LNX2: variants seen among roughly 807,000 people sequenced by gnomAD.
The protein encoded by LNX2 is ligand of numb-protein X 2.
A neutral mutation model predicts 66.2 loss-of-function variants in LNX2; 35 were observed. The observed-to-expected ratio is 0.53, with a 90% CI of 0.40 to 0.70. The LOEUF (loss-of-function observed/expected upper bound fraction) is 0.70. Among genes scored for constraint, LNX2 ranks in the 30% least tolerant of loss-of-function variants. The pLI is 0.00. For synonymous variants in LNX2, 337 were observed against 315.6 expected, an observed-to-expected ratio of 1.07 and a Z score of -0.72; for missense variants, 791 against 850.8, an observed-to-expected ratio of 0.93 and a Z score of 0.87.
At chr13:27,594,196 CT>C (rs1242119963) in intron 1 of LNX2, among the ~76,000 whole-genome samples, 1 of 151,054 alleles carries the variant, frequency 6.6e-6, no homozygotes, top group Non-Finnish European at 1.5e-5. Flanking sequence ...TAATTTGCAT[CT>C]TTTTTAGTCC....
chr13:27,607,553 T>C (rs1955730831), intron 1 of LNX2, among the ~76,000 whole-genome samples: 1 of 152,240 alleles, frequency 6.6e-6, no homozygotes, highest in Non-Finnish European at 1.5e-5. Flanking sequence ...TTCAGACTCC[T>C]AATAACTGGT....
chr13:27,549,694 G>A (rs894035091), intron 9 of LNX2, among the ~76,000 whole-genome samples: 6 of 152,180 alleles, frequency 3.9e-5, no homozygotes, highest in African/African-American at 4.8e-5. Flanking sequence ...ACTTAGCACC[G>A]CGCCAGGCAT....
chr13:27,585,286 G>A (rs1955471267), intron 1 of LNX2, among the ~76,000 whole-genome samples: 1 of 151,964 alleles, frequency 6.6e-6, no homozygotes, highest in African/African-American at 2.4e-5. Flanking sequence ...GCCAGGTGTG[G>A]TGGCGGGCGC....
chr13:27,570,775 C>T lies in LNX2; in HGVS notation c.408-1499G>A, dbSNP rs973485816. Among the ~76,000 whole-genome samples, 3 of 148,914 alleles carry T rather than the reference C, an allele frequency of 2.0e-5. No individual in the cohort carries two copies. In the South Asian group the frequency reaches 6.2e-4, roughly 31 times the overall value. On this transcript the variant is annotated intron_variant, in intron 2 of 9. Transcript: ENST00000316334. ...ATTTAATTTACAAAATCACATCATA[C>T]ACAAATATCTACACAAGAATAGCTA...
chr13:27,594,001 T>C (rs187630762), intron 1 of LNX2, among the ~76,000 whole-genome samples: 88 of 152,176 alleles, frequency 5.8e-4, no homozygotes, highest in Admixed American at 5.4e-3. Flanking sequence ...AGTCAAACTG[T>C]TGGACCAAAG....
chr13:27,546,475 T>C lies in LNX2; in HGVS notation c.*1860A>G, dbSNP rs1331113283. Reference sequence around the variant, plus strand: ...ATATACTGTATGGGCCATTCCACTGTATCTTGTTATATGTTGATCATACAG... The same window carrying C: ...ATATACTGTATGGGCCATTCCACTGCATCTTGTTATATGTTGATCATACAG... On this transcript the variant is annotated 3_prime_UTR_variant, in exon 10 of 10. Coordinates refer to ENST00000316334, the MANE Select transcript of LNX2 (RefSeq NM_153371.4). 1 of 152,226 alleles carries C rather than the reference T, an allele frequency of 6.6e-6. No individual in the cohort carries two copies. Among genetic ancestry groups the C allele is most frequent in the Non-Finnish European group, 1.5e-5 (1 of 68,042 alleles). 9.4% of individuals were successfully genotyped at this position (152,226 alleles called of 1,614,324 possible).
At chr13:27,552,987 C>T (rs1162277294) in intron 8 of LNX2, among the ~76,000 whole-genome samples, 1 of 152,120 alleles carries the variant, frequency 6.6e-6, no homozygotes, top group Non-Finnish European at 1.5e-5. Context: ...CACTGAGGAG[C>T]CTTGACAGGA....
intron 1 of LNX2, among the ~76,000 whole-genome samples, chr13:27,612,557 G>A (rs905743729): frequency 1.3e-5 from 2 of 152,198 alleles, no homozygotes; most frequent in African/African-American, 4.8e-5. Flanking sequence ...CATTTCAAAC[G>A]TACCAGTAGC....
intron 1 of LNX2, among the ~76,000 whole-genome samples, chr13:27,596,996 A>C (rs1266427253): frequency 6.6e-6 from 1 of 152,184 alleles, no homozygotes; most frequent in Non-Finnish European, 1.5e-5. Flanking sequence ...TCAAAAATAT[A>C]AGGCTTCTGT....
In LNX2 at chr13:27,562,563, C is replaced by A; in HGVS notation, c.1074G>T (p.Arg358Ser). Residue 358 changes from arginine (R) to serine (S), a missense_variant, in exon 5 of 10, where the codon AGG becomes AGT. By Grantham distance (110) the Arg-to-Ser change is moderately radical. Coordinates refer to ENST00000316334, the MANE Select transcript of LNX2 (RefSeq NM_153371.4). ...GAATAAAAACCCCTGGCTCATCTGTCCTTCGCACCAATTTAATGCCAAGCT... is the reference window on the plus strand; with the variant it reads ...GAATAAAAACCCCTGGCTCATCTGTACTTCGCACCAATTTAATGCCAAGCT... ...GEQLGIKLVR[R>S]TDEPGVFILD... 6.2e-7 allele frequency: 1 copy of A among 1,614,142 alleles called. No individual in the cohort carries two copies. Among genetic ancestry groups the A allele is most frequent in the Non-Finnish European group, 8.5e-7 (1 of 1,180,022 alleles).
intron 1 of LNX2, among the ~76,000 whole-genome samples, chr13:27,602,945 A>C (rs1955675105): frequency 6.6e-6 from 1 of 152,202 alleles, no homozygotes; most frequent in African/African-American, 2.4e-5. Context: ...ATTGAGGTAC[A>C]TAAGATATAG....
intron 3 of LNX2, 76 bp downstream of exon 3, chr13:27,568,953 A>T (rs1955240271): frequency 7.0e-7 from 1 of 1,427,236 alleles, no homozygotes; most frequent in South Asian, 1.6e-5. Flanking sequence ...TTAAAGATGA[A>T]AAAAGTACAT....
At chr13:27,572,287 T>G (rs1179508987) in intron 2 of LNX2, among the ~76,000 whole-genome samples, 8 of 151,684 alleles carry the variant, frequency 5.3e-5, no homozygotes, top group Admixed American at 4.6e-4. Flanking sequence ...CTGGGGGAGG[T>G]GACTTGGTTT....
At chr13:27,549,430 G>A (rs777678736) in intron 9 of LNX2, among the ~76,000 whole-genome samples, 8 of 152,192 alleles carry the variant, frequency 5.3e-5, no homozygotes, top group South Asian at 2.1e-4. Context: ...CCCAGTGCCC[G>A]GGCTTTGATA....
chr13:27,576,924 A>C (rs1245945966), intron 2 of LNX2, among the ~76,000 whole-genome samples: 1 of 152,200 alleles, frequency 6.6e-6, no homozygotes, highest in African/African-American at 2.4e-5. Context: ...ATATGACACC[A>C]AAAGCATAAG....
At chr13:27,570,365 C>T (rs1240356733) in intron 2 of LNX2, among the ~76,000 whole-genome samples, 5 of 152,198 alleles carry the variant, frequency 3.3e-5, no homozygotes, top group African/African-American at 1.2e-4. Flanking sequence ...GAATTAAATA[C>T]AATTAAAACT....
In LNX2 at chr13:27,546,565, T is replaced by C. The variant is rs1954941589; in HGVS notation, c.*1770A>G. 3 of 152,332 alleles carry C rather than the reference T, an allele frequency of 2.0e-5. No homozygotes were observed. The highest frequency in any genetic ancestry group is 2.0e-4 in the Admixed American group (3 of 15,306). The allele number at this position is 152,332 out of a possible 1,614,324, so 9.4% of individuals were successfully genotyped here. ...TGCTGTATCTTATTCCAAATAGATATGTTTTTTAAAAATCATTATAAAACT... is the reference window on the plus strand; with the variant it reads ...TGCTGTATCTTATTCCAAATAGATACGTTTTTTAAAAATCATTATAAAACT... On this transcript the variant is annotated 3_prime_UTR_variant, in exon 10 of 10. Transcript: ENST00000316334.
chr13:27,608,221 T>C (rs957798038), intron 1 of LNX2, among the ~76,000 whole-genome samples: 5 of 152,252 alleles, frequency 3.3e-5, no homozygotes, highest in Non-Finnish European at 1.5e-5. Context: ...TATTCTTTAC[T>C]CGTAACTGCT....
chr13:27,583,231 TGTGTGTGTG>T (rs1955433591), intron 1 of LNX2, among the ~76,000 whole-genome samples: 1 of 16,558 alleles, frequency 6.0e-5, no homozygotes, highest in Admixed American at 6.6e-4. Context: ...TGTGTGTGTG[TGTGTGTGTG>T]TGTGTGTGTG....
Sources: allele counts gnomAD v4.1 joint callset (sites outside exome capture counted in the v4.1 genomes callset), GRCh38; gene constraint gnomAD v4.1.1; transcripts MANE v1.5; gene names NCBI Gene and HGNC (gene_info 2026-07-23, HGNC 2026-07-21).